TBX22: variants seen among roughly 807,000 people sequenced by gnomAD.
TBX22 encodes the protein T-box transcription factor 22, also known as T-box transcription factor TBX22.
Under a neutral mutation model 30.1 loss-of-function variants are expected in TBX22, and 8 were observed. The observed-to-expected ratio is 0.27, with a 90% confidence interval of 0.16 to 0.48. TBX22 has a LOEUF of 0.48. TBX22 is among the 20% of genes least tolerant of loss of function. The probability of loss-of-function intolerance (pLI) is 0.99; values close to 1 mark genes in which losing one functional copy is unlikely to be tolerated. For missense variants in TBX22, 463 were observed against 400.5 expected (o/e 1.16, Z -1.33); for synonymous variants, 173 against 149.1 (o/e 1.16, Z -1.17).
At position 80,022,518 on chromosome X, in the gene TBX22, C is replaced by G. The variant is rs759639633; in HGVS notation, c.175+74C>G. ...GCATCTCTCCGCCTGGCTCGCGTCC[C>G]GACGCAGCCAGACAGCCACATTAGG... is the stretch of plus-strand genomic sequence containing the variant. On this transcript the variant is annotated intron_variant, in intron 2 of 8. Coordinates refer to ENST00000373296, the MANE Select transcript of TBX22 (RefSeq NM_001109878.2). 6.7e-5 allele frequency: 71 copies of G among 1,057,932 alleles called. No homozygotes were observed. In the South Asian group the frequency reaches 1.3e-3, roughly 20 times the overall value. 87.2% of individuals were successfully genotyped at this position (1,057,932 alleles called of 1,213,427 possible). A position where few individuals can be genotyped will look rare whatever the true frequency, so the allele number is the denominator to read the frequency against.
Position 80,030,702 on chromosome X carries a change from C to T in TBX22, c.1154C>T (p.Pro385Leu). Residue 385 changes from proline to leucine, a missense_variant, in exon 9 of 9, where the codon CCT (proline) becomes CTT (leucine). Transcript: ENST00000373296. ...CCAACTAATTTTTGGCAACAGCAAC[C>T]TCTTGTTTTACCGGCTCCTGAAAGA... The part of the protein sequence containing the change: ...ICPTNFWQQQ[P>L]LVLPAPERLA... 9 of 1,211,859 alleles carry T rather than the reference C, an allele frequency of 7.4e-6. No homozygotes were observed. The highest frequency in any genetic ancestry group is 1.0e-5 in the Non-Finnish European group (9 of 895,475).
chrX:80,025,839 C>A lies in TBX22; in HGVS notation c.633+62C>A, dbSNP rs1602410994. The A allele has an allele frequency of 2.6e-5, 28 of 1,059,688 alleles. No homozygotes were observed. The East Asian group carries it at 8.8e-4, about 33-fold the overall frequency. The allele number at this position is 1,059,688 out of a possible 1,213,427, so 87.3% of individuals were successfully genotyped here. ...TGCCAAGGCTCCTGCCCACTGGTCACCCTGGAGAGGCCAGGGAGGCTTTTT... is the reference window on the plus strand; with the variant it reads ...TGCCAAGGCTCCTGCCCACTGGTCAACCTGGAGAGGCCAGGGAGGCTTTTT... On this transcript the variant is annotated intron_variant, in intron 5 of 8. Transcript: ENST00000373296.
At chrX:80,023,978 C>T in intron 3 of TBX22, 85 bp from the exon 4 acceptor site, 1 of 892,426 alleles carries the variant, frequency 1.1e-6, no homozygotes. Context: ...TCACTTTTTA[C>T]TGGAGTCAGC....
intron 2 of TBX22, chrX:80,022,735 G>A: frequency 2.4e-6 from 1 of 425,373 alleles, no homozygotes; most frequent in South Asian, 3.5e-5. Flanking sequence ...ATCCTGGGAT[G>A]GGAAGCAGGG....
At position 80,030,639 on chromosome X, in the gene TBX22, T is replaced by C. The variant is rs1202905184; in HGVS notation, c.1091T>C (p.Leu364Pro). Residue 364 changes from leucine (L) to proline (P), a missense_variant, in exon 9 of 9, where the codon CTG becomes CCG. By Grantham distance (98) the Leu-to-Pro change is moderately conservative. Coordinates refer to ENST00000373296, the MANE Select transcript of TBX22 (RefSeq NM_001109878.2). ...GGAATGCCCTGTCCAGAGGCATACC[T>C]GCCCAATGTCAACCTGCCTCTATGC... ...SLGMPCPEAY[L>P]PNVNLPLCYK... 1.3e-5 allele frequency: 16 copies of C among 1,211,798 alleles called. No homozygotes were observed. Among genetic ancestry groups the C allele is most frequent in the Middle Eastern group, 2.3e-4 (1 of 4,354 alleles).
chrX:80,022,663 T>A, intron 2 of TBX22: 1 of 450,728 alleles, frequency 2.2e-6, no homozygotes, highest in East Asian at 3.7e-5. Flanking sequence ...GTGAAGTGAG[T>A]CTCTCCTACA....
At chrX:80,029,569 C>T (rs1199717404) in intron 8 of TBX22, among the ~76,000 whole-genome samples, 3 of 111,893 alleles carry the variant, frequency 2.7e-5, no homozygotes, top group Non-Finnish European at 5.6e-5. Flanking sequence ...ATATTGCTTT[C>T]ATTTATACAA....
chrX:80,020,908 C>T (rs1201796638), intron 1 of TBX22, among the ~76,000 whole-genome samples: 1 of 111,689 alleles, frequency 9.0e-6, no homozygotes, highest in Non-Finnish European at 1.9e-5. Context: ...TGGAAAAATG[C>T]AAATGCTATT....
At chrX:80,028,746 T>A (rs1457796387) in intron 8 of TBX22, among the ~76,000 whole-genome samples, 1 of 111,496 alleles carries the variant, frequency 9.0e-6, no homozygotes, top group Non-Finnish European at 1.9e-5. Flanking sequence ...ATGACATGGA[T>A]TTTTTTTATC....
Position 80,030,675 on chromosome X carries a change from G to T in TBX22, c.1127G>T (p.Cys376Phe), listed in dbSNP as rs982648449. The change falls in exon 9 of 9, where the codon TGT (cysteine) becomes TTT (phenylalanine). Residue 376 changes from cysteine to phenylalanine, a missense_variant. Coordinates refer to ENST00000373296, the MANE Select transcript of TBX22 (RefSeq NM_001109878.2). ...AACCTGCCTCTATGCTACAAGATTT[G>T]TCCAACTAATTTTTGGCAACAGCAA... Reference protein sequence around the residue: ...NVNLPLCYKICPTNFWQQQPL... With the variant: ...NVNLPLCYKIFPTNFWQQQPL... The T allele has an allele frequency of 1.7e-6, 2 of 1,209,925 alleles. No individual in the cohort carries two copies. The highest frequency in any genetic ancestry group is 3.5e-5 in the African/African-American group (2 of 57,108).
chrX:80,023,666 A>G (rs1923829388), intron 3 of TBX22, among the ~76,000 whole-genome samples: 1 of 111,488 alleles, frequency 9.0e-6, no homozygotes. Flanking sequence ...TTGGCATGGG[A>G]CAGCCACTTC....
At chrX:80,023,960 G>A (rs1375797604) in intron 3 of TBX22, 103 bp from the exon 4 acceptor site, 14 of 716,838 alleles carry the variant, frequency 2.0e-5, no homozygotes, top group Non-Finnish European at 2.9e-5. Flanking sequence ...AGGGTATTGT[G>A]AGTCCCTTCA....
Position 80,024,123 on chromosome X carries a change from T to C in TBX22, c.417T>C (p.His139=), listed in dbSNP as rs1923856028. Residue 139 remains histidine, a synonymous_variant, in exon 4 of 9, where the codon CAT becomes CAC. Transcript: ENST00000373296. ...GGTTGGATCCAGGGAAGCAGTACCA[T>C]GTGGCCATCGATGTGGTGCCGGTGG... ...VKGLDPGKQY[H]VAIDVVPVDS... 8.3e-7 allele frequency: 1 copy of C among 1,211,439 alleles called. No individual in the cohort carries two copies. The highest frequency in any genetic ancestry group is 1.1e-6 in the Non-Finnish European group (1 of 895,322).
At chrX:80,021,641 C>T (rs1362990024) in intron 1 of TBX22, among the ~76,000 whole-genome samples, 2 of 112,323 alleles carry the variant, frequency 1.8e-5, no homozygotes, top group African/African-American at 6.5e-5. Context: ...CTCTACTTCC[C>T]TATCTATAGC....
chrX:80,023,618 C>G (rs975481739), intron 3 of TBX22, among the ~76,000 whole-genome samples: 2 of 111,577 alleles, frequency 1.8e-5, no homozygotes, highest in Non-Finnish European at 3.8e-5. Context: ...AGACCTGGCC[C>G]AGGTTATTTT....
intron 1 of TBX22, among the ~76,000 whole-genome samples, chrX:80,021,250 G>T (rs1014722470): frequency 6.3e-5 from 7 of 111,737 alleles, no homozygotes; most frequent in African/African-American, 2.3e-4. Context: ...TGTGTTTGCT[G>T]ATTAAGTACT....
intron 4 of TBX22, among the ~76,000 whole-genome samples, 166 bp downstream of exon 4, chrX:80,024,330 G>C (rs1923867615): frequency 9.0e-6 from 1 of 111,261 alleles, no homozygotes; most frequent in Non-Finnish European, 1.9e-5. Context: ...TATTAAAATT[G>C]GGGTTCCCAG....
At chrX:80,020,819 C>T (rs1300883908) in intron 1 of TBX22, among the ~76,000 whole-genome samples, 1 of 111,757 alleles carries the variant, frequency 8.9e-6, no homozygotes, top group Admixed American at 9.5e-5. Context: ...TTTCAAGTTG[C>T]ATCTTATTTT....
intron 1 of TBX22, among the ~76,000 whole-genome samples, chrX:80,015,817 A>C (rs1367258785): frequency 8.9e-6 from 1 of 112,145 alleles, no homozygotes; most frequent in Non-Finnish European, 1.9e-5. Context: ...TCTCTTTTGT[A>C]TTTTTTAAAA....
Sources: allele counts gnomAD v4.1 joint callset (sites outside exome capture counted in the v4.1 genomes callset), GRCh38; gene constraint gnomAD v4.1.1; transcripts MANE v1.5; gene names NCBI Gene and HGNC (gene_info 2026-07-23, HGNC 2026-07-21).